Variants in RAD50 observed in about 807,000 individuals in gnomAD.
RAD50 encodes the protein DNA repair protein RAD50.
RAD50 carries 132 observed loss-of-function variants against 168.8 expected under a neutral mutation model. The observed-to-expected ratio is 0.78, with a 90% confidence interval of 0.68 to 0.90. The LOEUF (loss-of-function observed/expected upper bound fraction) is 0.90. Ranked by LOEUF, RAD50 falls within the 40% of genes least tolerant of loss-of-function variation. The probability of loss-of-function intolerance (pLI) is 0.00; values close to 1 mark genes in which losing one functional copy is unlikely to be tolerated. For missense variants in RAD50, 1,347 were observed against 1,534.4 expected (o/e 0.88, Z 2.04); for synonymous variants, 525 against 497.4 (o/e 1.06, Z -0.74).
chr5:132,626,292 C>A (rs927971485), intron 21 of RAD50, among the ~76,000 whole-genome samples: 13 of 152,164 alleles, frequency 8.5e-5, no homozygotes, highest in African/African-American at 3.1e-4. Flanking sequence ...CTAATGATTT[C>A]ATTTCCTTTG....
At chr5:132,590,811 G>A (rs1313866931) in intron 9 of RAD50, among the ~76,000 whole-genome samples, 1 of 152,150 alleles carries the variant, frequency 6.6e-6, no homozygotes, top group Non-Finnish European at 1.5e-5. Flanking sequence ...TCTTGTTGGG[G>A]TGGGGAGATA....
chr5:132,583,154 T>G (rs1473736978), intron 5 of RAD50, among the ~76,000 whole-genome samples: 1 of 152,166 alleles, frequency 6.6e-6, no homozygotes, highest in Non-Finnish European at 1.5e-5. Context: ...GAGTACAGAA[T>G]TTTTTTCACA....
At chr5:132,558,168 G>C (rs916072693) in intron 1 of RAD50, among the ~76,000 whole-genome samples, 2 of 152,200 alleles carry the variant, frequency 1.3e-5, no homozygotes, top group Non-Finnish European at 2.9e-5. Context: ...TGTAGAAAGA[G>C]AGAAGGTTGA....
intron 19 of RAD50, among the ~76,000 whole-genome samples, chr5:132,611,120 G>A (rs952725344): frequency 2.0e-5 from 3 of 152,242 alleles, no homozygotes; most frequent in African/African-American, 4.8e-5. Context: ...GCCAGGCGCA[G>A]TGACTCATGC....
intron 24 of RAD50, among the ~76,000 whole-genome samples, chr5:132,641,518 C>T (rs887156001): frequency 7.2e-5 from 11 of 152,140 alleles, no homozygotes; most frequent in Admixed American, 2.6e-4. Context: ...CAAGTAAGGG[C>T]GAGTGCTTTT....
intron 21 of RAD50, among the ~76,000 whole-genome samples, chr5:132,621,439 T>C (rs1751282134): frequency 6.6e-6 from 1 of 152,248 alleles, no homozygotes; most frequent in Non-Finnish European, 1.5e-5. Flanking sequence ...GTAATAATTA[T>C]TGTGGTGGTT....
At chr5:132,623,649 A>G (rs577240876) in intron 21 of RAD50, among the ~76,000 whole-genome samples, 3 of 152,200 alleles carry the variant, frequency 2.0e-5, no homozygotes, top group East Asian at 1.9e-4. Context: ...TTATAAGTCT[A>G]TCTAGTAGTT....
Position 132,645,729 on chromosome 5 carries a change from C to T in RAD50, c.*3365C>T, listed in dbSNP as rs1266074454. ...CCCAGGGAGACTCTGGGGAGTTTGGCAAAATATATACCTCAGAATTATCCC... is the reference window on the plus strand; with the variant it reads ...CCCAGGGAGACTCTGGGGAGTTTGGTAAAATATATACCTCAGAATTATCCC... On this transcript the variant is annotated 3_prime_UTR_variant, in exon 25 of 25. Transcript: ENST00000378823. The T allele has an allele frequency of 6.6e-6, 1 of 152,044 alleles. No homozygotes were observed. Among genetic ancestry groups the T allele is most frequent in the Non-Finnish European group, 1.5e-5 (1 of 68,014 alleles). 9.4% of individuals were successfully genotyped at this position (152,044 alleles called of 1,614,324 possible). A position where few individuals can be genotyped will look rare whatever the true frequency, so the allele number is the denominator to read the frequency against.
intron 21 of RAD50, among the ~76,000 whole-genome samples, chr5:132,621,786 CCTTTGT>C (rs1196620787): frequency 6.6e-6 from 1 of 151,958 alleles, no homozygotes; most frequent in Admixed American, 6.6e-5. Flanking sequence ...AGGATTTTTC[CCTTTGT>C]CTTCAGTGTT....
intron 5 of RAD50, among the ~76,000 whole-genome samples, chr5:132,585,500 G>A (rs1487542933): frequency 1.3e-5 from 2 of 151,012 alleles, no homozygotes; most frequent in Non-Finnish European, 2.9e-5. Flanking sequence ...TTTGCCACCT[G>A]AATATCTTCG....
chr5:132,557,218 C>T lies in RAD50; in HGVS notation c.-107C>T, dbSNP rs994426484. 3.3e-5 allele frequency: 49 copies of T among 1,484,586 alleles called. No individual in the cohort carries two copies. In the African/African-American group the frequency reaches 5.9e-4, roughly 18 times the overall value. 92.0% of individuals were successfully genotyped at this position (1,484,586 alleles called of 1,614,324 possible). ...GGCCTCGCTCCCCGCCCGGATCCTCCTGACCCTGAGATTCGCGGGTCTCAC... is the reference window on the plus strand; with the variant it reads ...GGCCTCGCTCCCCGCCCGGATCCTCTTGACCCTGAGATTCGCGGGTCTCAC... On this transcript the variant is annotated 5_prime_UTR_variant, in exon 1 of 25. Transcript: ENST00000378823.
rs754840961 is a variant in RAD50 at position 132,591,402 on chromosome 5, A to C, written c.1631A>C (p.Asp544Ala). Residue 544 changes from aspartate to alanine, a missense_variant, in exon 10 of 25, where the codon GAC becomes GCC. Asp to Ala is a moderately radical substitution (Grantham distance 126). This residue lies in a region of RAD50 where 703 missense variants were observed against 767.7 expected (regional missense o/e 0.92). Coordinates refer to ENST00000378823, the MANE Select transcript of RAD50 (RefSeq NM_005732.4). ...ACCCAAATGGAGATGCTGACCAAAG[A>C]CAAAGTATGATTTTTCTTTTTGTTC... The part of the protein sequence containing the change: ...TRTQMEMLTK[D>A]KADKDEQIRK... 6.2e-7 allele frequency: 1 copy of C among 1,612,900 alleles called. No homozygotes were observed.
At chr5:132,604,339 C>T (rs1177080882) in intron 15 of RAD50, among the ~76,000 whole-genome samples, 1 of 151,664 alleles carries the variant, frequency 6.6e-6, no homozygotes, top group Non-Finnish European at 1.5e-5. Context: ...AATCTTGGCT[C>T]ACTGCAACCT....
chr5:132,620,385 T>C (rs946783083), intron 21 of RAD50, among the ~76,000 whole-genome samples: 1 of 152,206 alleles, frequency 6.6e-6, no homozygotes, highest in Non-Finnish European at 1.5e-5. Context: ...GAATTCCCTA[T>C]GTGCCTGGGT....
Position 132,604,857 on chromosome 5 carries a change from A to C in RAD50, c.2576A>C (p.Gln859Pro), listed in dbSNP as rs757097310. 1.1e-5 allele frequency: 17 copies of C among 1,613,696 alleles called. No individual in the cohort carries two copies. The highest frequency in any genetic ancestry group is 1.4e-5 in the Non-Finnish European group (16 of 1,179,684). Residue 859 changes from glutamine (Q) to proline (P), a missense_variant, in exon 16 of 25, where the codon CAG becomes CCG. This residue lies in a region of RAD50 where 635 missense variants were observed against 739.2 expected (regional missense o/e 0.86). Coordinates refer to ENST00000378823, the MANE Select transcript of RAD50 (RefSeq NM_005732.4). ...AAGCTTATACAGGACCAGCAGGAAC[A>C]GATTCAACATCTAAAAAGTACAACA... Reference protein sequence around the residue: ...NRKLIQDQQEQIQHLKSTTNE... With the variant: ...NRKLIQDQQEPIQHLKSTTNE...
intron 4 of RAD50, 65 bp from the exon 5 acceptor site, chr5:132,579,797 A>T (rs1286628475): frequency 2.3e-6 from 3 of 1,308,544 alleles, no homozygotes; most frequent in Non-Finnish European, 3.3e-6. Context: ...ATAATATCCC[A>T]CTGTATGAAT....
rs375071475 is a variant in RAD50, at chr5:132,571,727, A to G, written c.214-4050A>G. 6.0e-3 allele frequency among the ~76,000 whole-genome samples: 911 copies of G among 152,276 alleles called. 10 individuals carry two copies. Among genetic ancestry groups the G allele is most frequent in the African/African-American group, 0.02 (819 of 41,536 alleles). ...AGTGAGACCCTGTCTCAAAAAAATA[A>G]ATAAAGGGATTGAAGTTAATACCCT... On this transcript the variant is annotated intron_variant, in intron 2 of 24. Transcript: ENST00000378823.
chr5:132,575,377 A>G (rs898875083), intron 2 of RAD50, among the ~76,000 whole-genome samples: 18 of 152,220 alleles, frequency 1.2e-4, no homozygotes, highest in African/African-American at 2.7e-4. Context: ...CCATGATTCA[A>G]TTACCTTCAA....
At chr5:132,632,183 T>C (rs754827673) in intron 21 of RAD50, among the ~76,000 whole-genome samples, 5 of 152,222 alleles carry the variant, frequency 3.3e-5, no homozygotes, top group Non-Finnish European at 7.3e-5. Context: ...CAAACATATG[T>C]GATTTTTTTC....
Sources: allele counts gnomAD v4.1 joint callset (sites outside exome capture counted in the v4.1 genomes callset), GRCh38; gene constraint gnomAD v4.1.1; regional missense constraint gnomAD v4.1.1; transcripts MANE v1.5; gene names NCBI Gene and HGNC (gene_info 2026-07-23, HGNC 2026-07-21).